The following SAMD4A variants were observed in gnomAD, a reference collection of about 807,000 sequenced individuals.
SAMD4A encodes protein Smaug homolog 1.
Under a neutral mutation model 81.3 loss-of-function variants are expected in SAMD4A, and 33 were observed. That is an observed-to-expected ratio of 0.41 (90% CI 0.31 to 0.54). The LOEUF (loss-of-function observed/expected upper bound fraction) is 0.54. SAMD4A is among the 20% of genes least tolerant of loss of function. SAMD4A has a pLI of 0.37. For missense variants in SAMD4A, 854 were observed against 951.1 expected (o/e 0.90, Z 1.34); for synonymous variants, 389 against 382.1 (o/e 1.02, Z -0.21).
At chr14:54,641,401 G>A (rs534485252) in intron 2 of SAMD4A, among the ~76,000 whole-genome samples, 7 of 152,268 alleles carry the variant, frequency 4.6e-5, no homozygotes, top group Admixed American at 3.9e-4. Flanking sequence ...AGTCTTATTT[G>A]AAACTCATTT....
intron 2 of SAMD4A, chr14:54,685,646 A>G: frequency 2.2e-6 from 1 of 452,938 alleles, no homozygotes; most frequent in South Asian, 1.6e-5. Flanking sequence ...GAAGTTGCAG[A>G]GAAGCTGATT....
At chr14:54,767,172 A>G (rs925897192) in intron 8 of SAMD4A, among the ~76,000 whole-genome samples, 8 of 152,210 alleles carry the variant, frequency 5.3e-5, no homozygotes, top group Non-Finnish European at 1.2e-4. Context: ...AATTTTCCAC[A>G]GCCTCCGGTT....
chr14:54,678,548 A>T (rs1594799914), intron 2 of SAMD4A, among the ~76,000 whole-genome samples: 2 of 106,392 alleles, frequency 1.9e-5, no homozygotes, highest in Non-Finnish European at 1.9e-5. Flanking sequence ...GGAATATATG[A>T]TCTTTTTTTT....
intron 6 of SAMD4A, among the ~76,000 whole-genome samples, chr14:54,752,218 T>C (rs567789997): frequency 6.6e-6 from 1 of 152,244 alleles, no homozygotes; most frequent in Admixed American, 6.5e-5. Flanking sequence ...CAGGTCCTCT[T>C]CTTACCTTTG....
chr14:54,698,687 A>G (rs2036634747), intron 2 of SAMD4A, among the ~76,000 whole-genome samples: 1 of 152,214 alleles, frequency 6.6e-6, no homozygotes. Context: ...TCAGAGAGCA[A>G]TCTGATTTCT....
Position 54,776,399 on chromosome 14 carries a change from T to G in SAMD4A, c.1918-15T>G. On this transcript the variant is annotated splice_polypyrimidine_tract_variant and intron_variant, in intron 10 of 12. Transcript: ENST00000554335. The stretch of plus-strand genomic sequence containing the variant: ...GGGCTGAACTAACAAGTTCCCCTTT[T>G]GCTTTTCTCACCAGAACCTGTGGTT... 3 of 1,585,918 alleles carry G rather than the reference T, an allele frequency of 1.9e-6. No homozygotes were observed. The South Asian group carries it at 3.5e-5, about 18-fold the overall frequency.
chr14:54,768,703 G>A (rs2038623942), intron 8 of SAMD4A, among the ~76,000 whole-genome samples: 1 of 152,164 alleles, frequency 6.6e-6, no homozygotes, highest in Middle Eastern at 3.2e-3. Context: ...CCAATGAGAG[G>A]GACTGTGGAG....
chr14:54,676,438 TCTTG>T (rs1196677228), intron 2 of SAMD4A, among the ~76,000 whole-genome samples: 1 of 152,188 alleles, frequency 6.6e-6, no homozygotes, highest in East Asian at 1.9e-4. Context: ...AGTGGCACAA[TCTTG>T]CTTGGCTCAC....
intron 2 of SAMD4A, among the ~76,000 whole-genome samples, chr14:54,591,753 T>C (rs565816245): frequency 3.9e-5 from 6 of 152,326 alleles, no homozygotes; most frequent in South Asian, 4.1e-4. Flanking sequence ...CATTATAAGT[T>C]CTTTCCCTTT....
chr14:54,785,357 CT>C (rs1186745854), intron 12 of SAMD4A, among the ~76,000 whole-genome samples: 1 of 152,276 alleles, frequency 6.6e-6, no homozygotes, highest in Non-Finnish European at 1.5e-5. Flanking sequence ...AGGCCTTCAG[CT>C]CCCTCCTGGT....
At chr14:54,599,697 G>A (rs1460514408) in intron 2 of SAMD4A, among the ~76,000 whole-genome samples, 2 of 152,156 alleles carry the variant, frequency 1.3e-5, no homozygotes, top group African/African-American at 4.8e-5. Flanking sequence ...TCAGAATTAC[G>A]AGACAATAGC....
chr14:54,660,657 C>G (rs984027073), intron 2 of SAMD4A, among the ~76,000 whole-genome samples: 1 of 152,104 alleles, frequency 6.6e-6, no homozygotes, highest in Non-Finnish European at 1.5e-5. Context: ...GATGGAAGGA[C>G]TGGAGAAGAC....
intron 3 of SAMD4A, among the ~76,000 whole-genome samples, chr14:54,723,650 C>G (rs1238723608): frequency 6.6e-6 from 1 of 152,244 alleles, no homozygotes; most frequent in Non-Finnish European, 1.5e-5. Flanking sequence ...AATATTAACA[C>G]TGCCTTGCGG....
intron 3 of SAMD4A, among the ~76,000 whole-genome samples, chr14:54,731,614 T>C (rs1408053091): frequency 6.6e-6 from 1 of 152,230 alleles, no homozygotes; most frequent in African/African-American, 2.4e-5. Flanking sequence ...GATTGAATTA[T>C]ATCATGTGAG....
chr14:54,655,535 C>T (rs2035500299), intron 2 of SAMD4A, among the ~76,000 whole-genome samples: 1 of 151,640 alleles, frequency 6.6e-6, no homozygotes, highest in African/African-American at 2.4e-5. Flanking sequence ...AGTTCGAGAC[C>T]AGCCCGACCA....
chr14:54,656,076 A>G (rs1490609017), intron 2 of SAMD4A, among the ~76,000 whole-genome samples: 3 of 152,196 alleles, frequency 2.0e-5, no homozygotes, highest in Admixed American at 1.3e-4. Flanking sequence ...TATTATTACT[A>G]ATATTACCAA....
chr14:54,596,119 G>A (rs562380593), intron 2 of SAMD4A, among the ~76,000 whole-genome samples: 4 of 152,232 alleles, frequency 2.6e-5, no homozygotes, highest in South Asian at 4.2e-4. Context: ...AAGAGTACCC[G>A]TCAGGTCCTG....
chr14:54,613,802 GTC>G (rs1263251916), intron 2 of SAMD4A, among the ~76,000 whole-genome samples: 5 of 152,132 alleles, frequency 3.3e-5, no homozygotes, highest in Non-Finnish European at 5.9e-5. Context: ...GGACTCAAAG[GTC>G]CCTAAGGTCC....
intron 3 of SAMD4A, among the ~76,000 whole-genome samples, chr14:54,727,708 C>T (rs79958542): frequency 0.011 from 1,693 of 152,208 alleles, 39 homozygotes; most frequent in African/African-American, 0.038. Flanking sequence ...GAAAAGGCCA[C>T]GAGTATTGAC....
Sources: gnomAD v4.1 joint callset for allele counts (sites outside exome capture counted in the v4.1 genomes callset) on GRCh38, gnomAD v4.1.1 for gene constraint, MANE v1.5 for transcripts, NCBI Gene and HGNC (gene_info 2026-07-23, HGNC 2026-07-21) for gene names.